The following RBFOX1 variants were observed in gnomAD, a reference collection of about 807,000 sequenced individuals.
RBFOX1 encodes RNA binding protein fox-1 homolog 1.
RBFOX1 carries 8 observed loss-of-function variants against 57.7 expected under a neutral mutation model. That is an observed-to-expected ratio of 0.14 (90% CI 0.08 to 0.25). The LOEUF is 0.25. Among genes scored for constraint, RBFOX1 ranks in the 10% least tolerant of loss-of-function variants. The probability of loss-of-function intolerance (pLI) is 1.00; values close to 1 mark genes in which losing one functional copy is unlikely to be tolerated. For synonymous variants in RBFOX1, 326 were observed against 222.4 expected, an observed-to-expected ratio of 1.47 and a Z score of -4.15; for missense variants, 611 against 548.5, an observed-to-expected ratio of 1.11 and a Z score of -1.14.
At chr16:7,369,053 G>A (rs879829193) in intron 4 of RBFOX1, among the ~76,000 whole-genome samples, 7 of 151,990 alleles carry the variant, frequency 4.6e-5, no homozygotes, top group Admixed American at 2.6e-4. Context: ...GCATGGTGGT[G>A]GTAGAAGTCG....
intron 1 of RBFOX1, chr16:5,270,194 G>A: frequency 4.6e-6 from 2 of 438,228 alleles, no homozygotes; most frequent in South Asian, 2.3e-5. Flanking sequence ...TTAAGAACAA[G>A]TGCCTTATGA....
chr16:7,233,079 A>C (rs1200839078), intron 4 of RBFOX1, among the ~76,000 whole-genome samples: 1 of 152,098 alleles, frequency 6.6e-6, no homozygotes, highest in Non-Finnish European at 1.5e-5. Context: ...AACAGCGGCC[A>C]AAGAACCCAT....
chr16:5,783,331 T>C (rs997672080), intron 3 of RBFOX1, among the ~76,000 whole-genome samples: 41 of 152,216 alleles, frequency 2.7e-4, no homozygotes, highest in African/African-American at 9.6e-4. Flanking sequence ...AGCAATCTAG[T>C]TTGTACCAAT....
chr16:6,985,670 A>C (rs963782603), intron 3 of RBFOX1, among the ~76,000 whole-genome samples: 4 of 152,080 alleles, frequency 2.6e-5, no homozygotes, highest in Non-Finnish European at 5.9e-5. Flanking sequence ...TCTACAAAAA[A>C]TACAAAAAAG....
chr16:6,554,687 G>T (rs2097059956), intron 2 of RBFOX1, among the ~76,000 whole-genome samples: 1 of 151,742 alleles, frequency 6.6e-6, no homozygotes, highest in South Asian at 2.1e-4. Flanking sequence ...TGAAAGTGTG[G>T]AAATCTTCAG....
chr16:7,288,540 C>T (rs1057201507), intron 4 of RBFOX1, among the ~76,000 whole-genome samples: 3 of 152,150 alleles, frequency 2.0e-5, no homozygotes, highest in African/African-American at 7.2e-5. Context: ...CTAAGTAATT[C>T]TTAACTGTGC....
At chr16:7,415,837 C>G (rs947327452) in intron 4 of RBFOX1, among the ~76,000 whole-genome samples, 1 of 152,104 alleles carries the variant, frequency 6.6e-6, no homozygotes, top group African/African-American at 2.4e-5. Flanking sequence ...TGACTCTAAA[C>G]TTAGCATCCT....
chr16:7,330,166 C>T (rs1488780844), intron 4 of RBFOX1, among the ~76,000 whole-genome samples: 1 of 152,068 alleles, frequency 6.6e-6, no homozygotes, highest in Non-Finnish European at 1.5e-5. Flanking sequence ...CCAGGACCTC[C>T]CCTCAGATAC....
chr16:6,501,649 T>C (rs564610530), intron 2 of RBFOX1, among the ~76,000 whole-genome samples: 13 of 152,236 alleles, frequency 8.5e-5, no homozygotes, highest in African/African-American at 2.9e-4. Flanking sequence ...AATCCAAACA[T>C]TCTTATAGAC....
chr16:6,745,546 T>G (rs1305275012), intron 3 of RBFOX1, among the ~76,000 whole-genome samples: 3 of 152,190 alleles, frequency 2.0e-5, no homozygotes, highest in African/African-American at 7.2e-5. Context: ...AAATGTGAAC[T>G]AACACAATTA....
chr16:7,436,641 G>C (rs1041663808), intron 4 of RBFOX1, among the ~76,000 whole-genome samples: 1 of 152,226 alleles, frequency 6.6e-6, no homozygotes, highest in African/African-American at 2.4e-5. Flanking sequence ...TCAGGCATTT[G>C]CGGAGGATCA....
intron 4 of RBFOX1, among the ~76,000 whole-genome samples, chr16:7,130,250 G>C (rs1461934193): frequency 6.6e-6 from 1 of 151,944 alleles, no homozygotes; most frequent in Non-Finnish European, 1.5e-5. Flanking sequence ...GGCCAGGCTG[G>C]TCTTGAACTC....
chr16:6,780,170 T>C (rs1164539953), intron 3 of RBFOX1, among the ~76,000 whole-genome samples: 1 of 37,904 alleles, frequency 2.6e-5, no homozygotes, highest in Non-Finnish European at 3.5e-5. Flanking sequence ...TTTATATATT[T>C]TTATATATTT....
intron 2 of RBFOX1, among the ~76,000 whole-genome samples, chr16:6,531,893 C>A (rs2096662980): frequency 6.6e-6 from 1 of 152,162 alleles, no homozygotes; most frequent in South Asian, 2.1e-4. Context: ...CAACAGGAAC[C>A]AATTCCCCTT....
At chr16:6,899,594 C>T (rs961740264) in intron 3 of RBFOX1, among the ~76,000 whole-genome samples, 3 of 152,184 alleles carry the variant, frequency 2.0e-5, no homozygotes, top group Admixed American at 6.5e-5. Flanking sequence ...TTGAGCACAG[C>T]TCCAGAATGC....
chr16:6,976,003 T>G (rs953556537), intron 3 of RBFOX1, among the ~76,000 whole-genome samples: 1 of 151,966 alleles, frequency 6.6e-6, no homozygotes, highest in African/African-American at 2.4e-5. Context: ...GGTGGGCGCC[T>G]GTAATCTCAG....
chr16:7,237,008 A>C (rs1015862312), intron 4 of RBFOX1, among the ~76,000 whole-genome samples: 2 of 152,230 alleles, frequency 1.3e-5, no homozygotes, highest in African/African-American at 4.8e-5. Context: ...CCGTTCTTTC[A>C]CTAGAAGGGA....
At chr16:7,120,097 C>T (rs1004613145) in intron 4 of RBFOX1, among the ~76,000 whole-genome samples, 1 of 152,010 alleles carries the variant, frequency 6.6e-6, no homozygotes, top group African/African-American at 2.4e-5. Flanking sequence ...AAGTCTAAAT[C>T]ACCCATAGTT....
chr16:7,679,117 A>G (rs1210902472), intron 14 of RBFOX1, among the ~76,000 whole-genome samples: 2 of 152,218 alleles, frequency 1.3e-5, no homozygotes, highest in East Asian at 1.9e-4. Flanking sequence ...AATGGACAGA[A>G]AGCAATCTTT....
Sources: gnomAD v4.1 joint callset for allele counts (sites outside exome capture counted in the v4.1 genomes callset) on GRCh38, gnomAD v4.1.1 for gene constraint, MANE v1.5 for transcripts, NCBI Gene and HGNC (gene_info 2026-07-23, HGNC 2026-07-21) for gene names.